Variants in TNFSF8 observed in about 807,000 individuals in gnomAD.
The protein encoded by TNFSF8 is tumor necrosis factor ligand superfamily member 8.
In TNFSF8, 4 loss-of-function variants were observed where a neutral mutation model predicts 22.0. The observed-to-expected ratio is 0.18, with a 90% confidence interval of 0.09 to 0.42. The LOEUF (loss-of-function observed/expected upper bound fraction) is 0.42, where lower values mean the gene tolerates loss of function less well. Ranked by LOEUF, TNFSF8 falls within the 10% of genes least tolerant of loss-of-function variation. TNFSF8 has a pLI of 1.00. For synonymous variants in TNFSF8, 106 were observed against 112.5 expected (o/e 0.94, Z 0.37); for missense variants, 233 against 281.8 (o/e 0.83, Z 1.24).
intron 4 of TNFSF8, among the ~76,000 whole-genome samples, chr9:114,895,471 A>G (rs1311990155): frequency 6.6e-6 from 1 of 152,160 alleles, no homozygotes; most frequent in Non-Finnish European, 1.5e-5. Flanking sequence ...TGTTGATCCA[A>G]TGGCTGGCTT....
intron 1 of TNFSF8, among the ~76,000 whole-genome samples, chr9:114,928,144 A>C (rs551758674): frequency 2.0e-4 from 30 of 152,296 alleles, no homozygotes; most frequent in Middle Eastern, 3.4e-3. Flanking sequence ...ACCGCACTGT[A>C]CAATCAGATT....
rs75005602 is a variant in TNFSF8, at chr9:114,921,484, A to G, written c.196-3346T>C. On this transcript the variant is annotated intron_variant, in intron 1 of 3. Transcript: ENST00000223795. ...TGTTTCCAGAAACAAAGGATAGAAG[A>G]GCTCATTCCTCCCTCCTCCCCTCTC... Among the ~76,000 whole-genome samples the G allele has an allele frequency of 2.3e-4, 35 of 152,346 alleles. No homozygotes were observed. The East Asian group carries it at 6.4e-3, about 28-fold the overall frequency.
At chr9:114,899,342 ATTAT>A (rs1354900770), downstream of TNFSF8, among the ~76,000 whole-genome samples, 11 of 142,654 alleles carry the variant, frequency 7.7e-5, no homozygotes, top group South Asian at 2.2e-4. Context: ...ACAGTAAGTT[ATTAT>A]TTTTTTTTTT....
chr9:114,906,547 C>T (rs1827788262), intron 2 of TNFSF8, among the ~76,000 whole-genome samples: 1 of 152,162 alleles, frequency 6.6e-6, no homozygotes, highest in Non-Finnish European at 1.5e-5. Flanking sequence ...TGGCTAATTC[C>T]AGAGGCCAGG....
intron 1 of TNFSF8, among the ~76,000 whole-genome samples, chr9:114,922,294 C>T (rs1474219741): frequency 1.3e-5 from 2 of 152,186 alleles, no homozygotes; most frequent in Non-Finnish European, 2.9e-5. Context: ...TCAAAGGCAG[C>T]TCTGTTTGGA....
At chr9:114,904,881 A>G (rs3181364) in intron 3 of TNFSF8, among the ~76,000 whole-genome samples, 54,945 of 152,048 alleles carry the variant, frequency 0.36, 10,452 homozygotes, top group Admixed American at 0.45. Context: ...TCACATTAAG[A>G]TGTATCCTCT....
At chr9:114,897,150 C>A (rs1255351598), downstream of TNFSF8, among the ~76,000 whole-genome samples, 6 of 152,216 alleles carry the variant, frequency 3.9e-5, no homozygotes, top group Non-Finnish European at 7.3e-5. Flanking sequence ...ATCCACCCAC[C>A]TTGCCCTCCC....
rs1276129915 is a variant in TNFSF8, at chr9:114,904,284, C to T, written c.352G>A (p.Asp118Asn). ...TATCTGACTCCATGGAGAATGCCAT[C>T]TTTGTTCCAAGACAACTTGGTTTTG... The part of the protein sequence containing the change: ...LNKTKLSWNK[D>N]GILHGVRYQD... The change falls in exon 4 of 4, where the codon GAT (aspartate) becomes AAT (asparagine). Residue 118 changes from aspartate to asparagine, a missense_variant. Transcript: ENST00000223795. 6.2e-7 allele frequency: 1 copy of T among 1,613,112 alleles called. No individual in the cohort carries two copies. Among genetic ancestry groups the T allele is most frequent in the South Asian group, 1.1e-5 (1 of 90,886 alleles).
intron 4 of TNFSF8, among the ~76,000 whole-genome samples, chr9:114,895,801 CTG>C (rs1827650089): frequency 6.6e-6 from 1 of 152,220 alleles, no homozygotes; most frequent in Non-Finnish European, 1.5e-5. Context: ...TCTTTCCCAT[CTG>C]CCACCCTCAG....
intron 1 of TNFSF8, among the ~76,000 whole-genome samples, chr9:114,922,855 T>C (rs1233212636): frequency 6.6e-6 from 1 of 152,126 alleles, no homozygotes; most frequent in East Asian, 1.9e-4. Flanking sequence ...AAGCAGATTC[T>C]GACTCAGTAG....
chr9:114,910,020 C>T (rs909357590), intron 2 of TNFSF8, among the ~76,000 whole-genome samples: 2 of 152,190 alleles, frequency 1.3e-5, no homozygotes, highest in African/African-American at 4.8e-5. Flanking sequence ...GCTCCTTACT[C>T]TTTCTGTAGG....
At chr9:114,925,059 G>A (rs1332221230) in intron 1 of TNFSF8, among the ~76,000 whole-genome samples, 2 of 152,202 alleles carry the variant, frequency 1.3e-5, no homozygotes, top group African/African-American at 4.8e-5. Flanking sequence ...AAGGCACCAT[G>A]TTCAAGAGGC....
At chr9:114,905,657 G>T (rs3181196) in intron 3 of TNFSF8, among the ~76,000 whole-genome samples, 171 bp downstream of exon 3, 3,705 of 152,264 alleles carry the variant, frequency 0.024, 237 homozygotes, top group Admixed American at 0.11. Flanking sequence ...CGCTCTCCCC[G>T]CTAAGACATT....
At position 114,903,727 on chromosome 9, in the gene TNFSF8, C is replaced by A; in HGVS notation, c.*204G>T. 7.6e-7 allele frequency: 1 copy of A among 1,323,042 alleles called. No homozygotes were observed. The highest frequency in any genetic ancestry group is 9.6e-7 in the Non-Finnish European group (1 of 1,040,110). The allele number at this position is 1,323,042 out of a possible 1,614,324, so 82.0% of individuals were successfully genotyped here. On this transcript the variant is annotated 3_prime_UTR_variant, in exon 4 of 4. Coordinates refer to ENST00000223795, the MANE Select transcript of TNFSF8 (RefSeq NM_001244.4). ...CCCACCACACTACATTGCTTCCCTG[C>A]CTGCTATCTGAAAGATACTTCACTA...
Position 114,906,759 on chromosome 9 carries a change from A to T in TNFSF8, c.239-860T>A, listed in dbSNP as rs551821717. On this transcript the variant is annotated intron_variant, in intron 2 of 3. Transcript: ENST00000223795. ...ATATATTCACTAGTGATGGTGGCTT[A>T]GCTTTTTTTTATTACAGTAACTACT... 2.6e-5 allele frequency among the ~76,000 whole-genome samples: 4 copies of T among 152,240 alleles called. No homozygotes were observed. The South Asian group carries it at 8.3e-4, about 32-fold the overall frequency.
Position 114,901,743 on chromosome 9 carries a change from C to T in TNFSF8, c.*2188G>A. Reference sequence around the variant, plus strand: ...CACCTCTTCCAATGCCTGCTTCTCCCAAAGAATCTACTCACAGAAAGAGTT... The same window carrying T: ...CACCTCTTCCAATGCCTGCTTCTCCTAAAGAATCTACTCACAGAAAGAGTT... On this transcript the variant is annotated 3_prime_UTR_variant, in exon 4 of 4. Coordinates refer to ENST00000223795, the MANE Select transcript of TNFSF8 (RefSeq NM_001244.4). 1.0e-6 allele frequency: 1 copy of T among 985,316 alleles called. No individual in the cohort carries two copies. The highest frequency in any genetic ancestry group is 1.2e-6 in the Non-Finnish European group (1 of 829,886). The allele number at this position is 985,316 out of a possible 1,614,324, so 61.0% of individuals were successfully genotyped here. A position where few individuals can be genotyped will look rare whatever the true frequency, so the allele number is the denominator to read the frequency against.
chr9:114,915,469 A>T (rs1183752390), intron 2 of TNFSF8, among the ~76,000 whole-genome samples: 1 of 151,984 alleles, frequency 6.6e-6, no homozygotes, highest in African/African-American at 2.4e-5. Flanking sequence ...CAGATTGCTG[A>T]ATTAAGGGGA....
chr9:114,903,779 G>A lies in TNFSF8; in HGVS notation c.*152C>T. On this transcript the variant is annotated 3_prime_UTR_variant, in exon 4 of 4. Coordinates refer to ENST00000223795, the MANE Select transcript of TNFSF8 (RefSeq NM_001244.4). The stretch of plus-strand genomic sequence containing the variant: ...AAACTCTCTTTTTAACCCTGGAGCT[G>A]TATCTTTCCAAGAGACAGAAGGAGA... 7.1e-7 allele frequency: 1 copy of A among 1,412,138 alleles called. No homozygotes were observed. The highest frequency in any genetic ancestry group is 9.2e-7 in the Non-Finnish European group (1 of 1,089,712). The allele number at this position is 1,412,138 out of a possible 1,614,324, so 87.5% of individuals were successfully genotyped here. A position where few individuals can be genotyped will look rare whatever the true frequency, so the allele number is the denominator to read the frequency against.
chr9:114,906,528 A>C (rs1827787937), intron 2 of TNFSF8, among the ~76,000 whole-genome samples: 1 of 152,196 alleles, frequency 6.6e-6, no homozygotes. Context: ...TAAATGCTGG[A>C]ATTGCCCATG....
Sources: gnomAD v4.1 joint callset for allele counts (sites outside exome capture counted in the v4.1 genomes callset) on GRCh38, gnomAD v4.1.1 for gene constraint, MANE v1.5 for transcripts, NCBI Gene and HGNC (gene_info 2026-07-23, HGNC 2026-07-21) for gene names.